The following NUMB variants were observed in gnomAD, a reference collection of about 807,000 sequenced individuals.
NUMB encodes the protein NUMB endocytic adaptor protein.
Under a neutral mutation model 59.7 loss-of-function variants are expected in NUMB, and 29 were observed. That is an observed-to-expected ratio of 0.49 (90% CI 0.36 to 0.66). NUMB has a LOEUF of 0.66. Ranked by LOEUF, NUMB falls within the 30% of genes least tolerant of loss-of-function variation. NUMB has a pLI of 0.00. For synonymous variants in NUMB, 288 were observed against 288.2 expected (o/e 1.00, Z 0.01); for missense variants, 723 against 822.0 (o/e 0.88, Z 1.47).
chr14:73,282,622 A>C (rs941936767), intron 10 of NUMB, 117 bp from the exon 11 acceptor site: 12 of 1,094,520 alleles, frequency 1.1e-5, no homozygotes, highest in Non-Finnish European at 1.5e-5. Flanking sequence ...GAAAAGGCTC[A>C]ATTAACTGTA....
intron 4 of NUMB, among the ~76,000 whole-genome samples, chr14:73,330,041 T>C (rs8007472): frequency 5.9e-5 from 9 of 151,914 alleles, no homozygotes; most frequent in Non-Finnish European, 1.2e-4. Flanking sequence ...CACTTCAAAG[T>C]ATTTTCTTTT....
chr14:73,276,602 C>T lies in NUMB; in HGVS notation c.1932G>A (p.Gln644=). Residue 644 remains glutamine, a synonymous_variant, in exon 13 of 13, where the codon CAG becomes CAA. Transcript: ENST00000555238. The part of the protein sequence containing the change: ...SPTNPFSSDL[Q]KTFEIEL ...CTTAAAGTTCAATTTCAAACGTCTT[C>T]TGTAAGTCACTGGAGAAAGGGTTGG... 1 of 1,613,404 alleles carries T rather than the reference C, an allele frequency of 6.2e-7. No homozygotes were observed. Among genetic ancestry groups the T allele is most frequent in the Non-Finnish European group, 8.5e-7 (1 of 1,179,456 alleles).
intron 4 of NUMB, among the ~76,000 whole-genome samples, chr14:73,351,348 T>C (rs556229498): frequency 6.6e-6 from 1 of 152,056 alleles, no homozygotes; most frequent in East Asian, 1.9e-4. Context: ...GGCACGTGCC[T>C]ATAGTCCTAG....
intron 4 of NUMB, among the ~76,000 whole-genome samples, chr14:73,335,627 A>C (rs1209974362): frequency 6.6e-6 from 1 of 152,206 alleles, no homozygotes; most frequent in Non-Finnish European, 1.5e-5. Context: ...TAGTATGTGG[A>C]ATTTCATTCT....
At chr14:73,387,740 A>AAC (rs1895620387) in intron 2 of NUMB, among the ~76,000 whole-genome samples, 1 of 149,078 alleles carries the variant, frequency 6.7e-6, no homozygotes, top group African/African-American at 2.6e-5. Flanking sequence ...CTCAAAAAAA[A>AAC]AAAAACAAAA....
chr14:73,346,341 G>A (rs146971843), intron 4 of NUMB, among the ~76,000 whole-genome samples: 12 of 152,094 alleles, frequency 7.9e-5, no homozygotes, highest in African/African-American at 2.9e-4. Flanking sequence ...TTAGCTGGGT[G>A]TGGTGACACA....
chr14:73,299,720 G>T (rs1394684492), intron 6 of NUMB, among the ~76,000 whole-genome samples: 1 of 152,032 alleles, frequency 6.6e-6, no homozygotes, highest in African/African-American at 2.4e-5. Context: ...TGAAAGGCAA[G>T]AAGAGTCTAC....
At position 73,355,710 on chromosome 14, in the gene NUMB, A is replaced by T. The variant is rs760022505; in HGVS notation, c.42T>A (p.Val14=). The T allele has an allele frequency of 6.8e-6, 11 of 1,613,478 alleles. No homozygotes were observed. Among genetic ancestry groups the T allele is most frequent in the African/African-American group, 2.7e-5 (2 of 74,916 alleles). Reference sequence around the variant, plus strand: ...GTGGACGACTGGCCTCTGGAACATAAACATCCTTCTTTCTCCTAAAACTTT... The same window carrying T: ...GTGGACGACTGGCCTCTGGAACATATACATCCTTCTTTCTCCTAAAACTTT... The part of the protein sequence containing the change: ...LRQSFRRKKD[V]YVPEASRPHQ... The change falls in exon 4 of 13, where the codon GTT becomes GTA. Residue 14 remains valine, a synonymous_variant. Transcript: ENST00000555238.
intron 1 of NUMB, among the ~76,000 whole-genome samples, chr14:73,427,379 C>A (rs1014955582): frequency 2.0e-5 from 3 of 151,808 alleles, no homozygotes; most frequent in African/African-American, 7.3e-5. Flanking sequence ...GCAGAAGAAT[C>A]GCTTGAACCT....
At chr14:73,343,808 G>A (rs1892768947) in intron 4 of NUMB, among the ~76,000 whole-genome samples, 1 of 101,056 alleles carries the variant, frequency 9.9e-6, no homozygotes, top group African/African-American at 4.0e-5. Flanking sequence ...ATCAAGTTTT[G>A]AAATACTATG....
intron 6 of NUMB, among the ~76,000 whole-genome samples, chr14:73,299,618 CAT>C (rs1286816683): frequency 6.7e-6 from 1 of 150,158 alleles, no homozygotes; most frequent in Non-Finnish European, 1.5e-5. Flanking sequence ...ATATATATGT[CAT>C]ATAATATGAC....
At chr14:73,387,741 A>AC (rs370915978) in intron 2 of NUMB, among the ~76,000 whole-genome samples, 14 of 148,550 alleles carry the variant, frequency 9.4e-5, no homozygotes, top group African/African-American at 3.4e-4. Flanking sequence ...TCAAAAAAAA[A>AC]AAAACAAAAA....
At chr14:73,398,413 A>AGTGT (rs1452367894) in intron 2 of NUMB, among the ~76,000 whole-genome samples, 1,724 of 117,640 alleles carry the variant, frequency 0.015, 36 homozygotes, top group East Asian at 0.12. Context: ...AGAGAGAGAG[A>AGTGT]GAGTGTGTGT....
Position 73,350,072 on chromosome 14 carries a change from CATACAT to C in NUMB, c.126+5548_126+5553del, listed in dbSNP as rs1454694612. ...ACATACATACATATATACATACATA[CATACAT>C]ACACACACACACACACACACACACA... On this transcript the variant is annotated intron_variant, in intron 4 of 12. Transcript: ENST00000555238. 4.9e-3 allele frequency among the ~76,000 whole-genome samples: 600 copies of C among 122,508 alleles called. 2 individuals carry two copies. The highest frequency in any genetic ancestry group is 0.016 in the African/African-American group (555 of 33,680). The allele number at this position is 122,508 out of a possible 152,430, so 80.4% of individuals were successfully genotyped here. A position where few individuals can be genotyped will look rare whatever the true frequency, so the allele number is the denominator to read the frequency against.
chr14:73,404,009 C>T (rs1009479148), intron 2 of NUMB, among the ~76,000 whole-genome samples: 26 of 151,158 alleles, frequency 1.7e-4, no homozygotes, highest in African/African-American at 6.1e-4. Flanking sequence ...AGAAGAATCA[C>T]TTGAACCCCA....
chr14:73,428,454 G>A (rs1402035881), intron 1 of NUMB, among the ~76,000 whole-genome samples: 1 of 152,108 alleles, frequency 6.6e-6, no homozygotes, highest in Non-Finnish European at 1.5e-5. Flanking sequence ...AACTCTACCA[G>A]TGAGGTCCAC....
intron 2 of NUMB, among the ~76,000 whole-genome samples, chr14:73,372,340 C>G (rs1363755238): frequency 2.6e-5 from 1 of 38,890 alleles, no homozygotes; most frequent in African/African-American, 8.4e-5. Context: ...TATATATAAC[C>G]TTTTATATAT....
At chr14:73,455,183 G>C (rs1437045195) in intron 1 of NUMB, among the ~76,000 whole-genome samples, 1 of 152,056 alleles carries the variant, frequency 6.6e-6, no homozygotes, top group East Asian at 1.9e-4. Context: ...CAAAAATCCT[G>C]ATGCAAAGCT....
intron 4 of NUMB, 122 bp from the exon 5 acceptor site, chr14:73,323,326 G>C: frequency 1.7e-6 from 1 of 596,010 alleles, no homozygotes; most frequent in Non-Finnish European, 2.9e-6. Flanking sequence ...TTTGAAATCT[G>C]AAACACTTCT....
Sources: gnomAD v4.1 joint callset for allele counts (sites outside exome capture counted in the v4.1 genomes callset) on GRCh38, gnomAD v4.1.1 for gene constraint, MANE v1.5 for transcripts, NCBI Gene and HGNC (gene_info 2026-07-23, HGNC 2026-07-21) for gene names.